The following ACOT11 variants were observed in gnomAD, a reference collection of about 807,000 sequenced individuals.
The protein encoded by ACOT11 is acyl-CoA thioesterase 11.
Under a neutral mutation model 77.5 loss-of-function variants are expected in ACOT11, and 69 were observed. The ratio of observed to expected loss-of-function variants is 0.89; its 90% CI spans 0.73 to 1.09. The LOEUF (loss-of-function observed/expected upper bound fraction) is 1.09. ACOT11 is among the 50% of genes least tolerant of loss of function. The probability of loss-of-function intolerance (pLI) is 0.00; values close to 1 mark genes in which losing one functional copy is unlikely to be tolerated. For missense variants in ACOT11, 766 were observed against 813.7 expected (o/e 0.94, Z 0.71); for synonymous variants, 279 against 313.0 (o/e 0.89, Z 1.15).
rs986799218 is a variant in ACOT11 at position 54,610,310 on chromosome 1, A to G, written c.*1198A>G. 6.5e-7 allele frequency: 1 copy of G among 1,542,466 alleles called. No individual in the cohort carries two copies. Among genetic ancestry groups the G allele is most frequent in the Non-Finnish European group, 8.7e-7 (1 of 1,146,542 alleles). ...TTGCATCCAGGGTATGGTGTAAATA[A>G]ACCTGTGTTGCCATGGCAACAGAGA... On this transcript the variant is annotated 3_prime_UTR_variant, in exon 16 of 16. Transcript: ENST00000343744.
exon 17 of ACOT11, chr1:54,635,311 CT>C (rs1430830786): frequency 3.3e-5 from 8 of 239,106 alleles, no homozygotes; most frequent in Non-Finnish European, 5.7e-5. Context: ...TTCAGATGAT[CT>C]GAACAAAACA....
At chr1:54,590,055 T>C (rs943072357) in intron 3 of ACOT11, among the ~76,000 whole-genome samples, 8 of 148,842 alleles carry the variant, frequency 5.4e-5, no homozygotes, top group African/African-American at 1.8e-4. Context: ...GCCATAGCAC[T>C]CCAGCCTGGG....
At chr1:54,563,834 G>C (rs1023664995) in intron 1 of ACOT11, among the ~76,000 whole-genome samples, 27 of 152,132 alleles carry the variant, frequency 1.8e-4, no homozygotes, top group Admixed American at 1.5e-3. Context: ...CTGAGGGAGC[G>C]GGGGGCGGAT....
chr1:54,616,261 A>G, intron 15 of ACOT11: 1 of 1,146,646 alleles, frequency 8.7e-7, no homozygotes, highest in East Asian at 2.4e-5. Flanking sequence ...ATTACAGAAC[A>G]TTTGAGAAAT....
intron 16 of ACOT11, among the ~76,000 whole-genome samples, chr1:54,631,243 C>T (rs1644298158): frequency 6.6e-6 from 1 of 152,170 alleles, no homozygotes; most frequent in Non-Finnish European, 1.5e-5. Context: ...GCAAGCTAGA[C>T]AAGAGGGTGA....
In ACOT11 at chr1:54,607,109, C is replaced by CGT. The variant is rs1187868461; in HGVS notation, c.1371-25_1371-24insGT. On this transcript the variant is annotated intron_variant, in intron 13 of 15. Transcript: ENST00000343744. This position sits in a 1 kb window ranked among gnomAD's most constrained non-coding sequence, Gnocchi z 4.5. ...CATGGGAGCTGGAAGCTTCCTGGGG[C>CGT]ACTGAGATCCCGGCCTCCCCACAGG... is the stretch of plus-strand genomic sequence containing the variant. 3.1e-6 allele frequency: 5 copies of CGT among 1,613,280 alleles called. No homozygotes were observed. The East Asian group carries it at 1.1e-4, about 36-fold the overall frequency.
At chr1:54,606,580 A>T (rs544456794) in intron 13 of ACOT11, among the ~76,000 whole-genome samples, 1 of 152,232 alleles carries the variant, frequency 6.6e-6, no homozygotes, top group African/African-American at 2.4e-5. Flanking sequence ...CTGCTTCCTT[A>T]TTAGCTCTGT....
downstream of ACOT11, chr1:54,614,651 T>C (rs778838842): frequency 6.4e-7 from 1 of 1,563,880 alleles, no homozygotes; most frequent in Non-Finnish European, 8.7e-7. Context: ...GTGGTAGGTG[T>C]TGACAGAAGA....
At chr1:54,593,911 C>T (rs1225303185) in intron 4 of ACOT11, 30 bp from the exon 5 acceptor site, 4 of 1,595,156 alleles carry the variant, frequency 2.5e-6, no homozygotes, top group Non-Finnish European at 3.4e-6. Context: ...TGTTGTTCCT[C>T]ATTCCTTCGC....
chr1:54,609,681 G>A lies in ACOT11; in HGVS notation c.*569G>A. The A allele has an allele frequency of 6.2e-7, 1 of 1,614,042 alleles. No homozygotes were observed. Among genetic ancestry groups the A allele is most frequent in the Non-Finnish European group, 8.5e-7 (1 of 1,180,026 alleles). Reference sequence around the variant, plus strand: ...TGGCCGGGGACCGAAAAACTCCCGTGGGAGATTTTGGCCCCAACCCACACA... The same window carrying A: ...TGGCCGGGGACCGAAAAACTCCCGTAGGAGATTTTGGCCCCAACCCACACA... On this transcript the variant is annotated 3_prime_UTR_variant, in exon 16 of 16. Transcript: ENST00000343744.
intron 1 of ACOT11, among the ~76,000 whole-genome samples, chr1:54,564,595 G>A (rs1297508588): frequency 1.3e-5 from 2 of 152,340 alleles, no homozygotes; most frequent in African/African-American, 4.8e-5. Context: ...CACCTGGGCC[G>A]AGCTGAAGCA....
At chr1:54,599,480 A>G in intron 8 of ACOT11, 65 bp downstream of exon 8, 1 of 1,445,466 alleles carries the variant, frequency 6.9e-7, no homozygotes, top group Non-Finnish European at 9.3e-7. Flanking sequence ...GACCCTAGAA[A>G]GGACCCTACT....
At chr1:54,591,835 G>C (rs984255633) in intron 3 of ACOT11, among the ~76,000 whole-genome samples, 1 of 152,228 alleles carries the variant, frequency 6.6e-6, no homozygotes, top group Non-Finnish European at 1.5e-5. Flanking sequence ...TTGGGCAAAT[G>C]ACTTAACCTC....
At chr1:54,636,167 G>T (rs1644329453) in exon 17 of ACOT11, 1 of 152,210 alleles carries the variant, frequency 6.6e-6, no homozygotes, top group Non-Finnish European at 1.5e-5. Context: ...TTCTCGTTAG[G>T]TGGAACGAGA....
intron 1 of ACOT11, among the ~76,000 whole-genome samples, chr1:54,567,526 G>T (rs910947203): frequency 6.6e-6 from 1 of 152,104 alleles, no homozygotes; most frequent in Non-Finnish European, 1.5e-5. Flanking sequence ...TGATCCACCC[G>T]CCTCAGCCTC....
intron 16 of ACOT11, among the ~76,000 whole-genome samples, chr1:54,632,300 C>T (rs1644304152): frequency 6.6e-6 from 1 of 152,212 alleles, no homozygotes; most frequent in Non-Finnish European, 1.5e-5. Flanking sequence ...TGTCCCCTGC[C>T]ACAGCCGGTA....
At chr1:54,559,036 G>A (rs1432313555) in intron 1 of ACOT11, among the ~76,000 whole-genome samples, 8 of 152,198 alleles carry the variant, frequency 5.3e-5, no homozygotes, top group Non-Finnish European at 1.0e-4. Flanking sequence ...AGGGAGGTGG[G>A]TAAAAGGCTC....
At chr1:54,611,167 C>T (rs1644113566), downstream of ACOT11, 3 of 476,482 alleles carry the variant, frequency 6.3e-6, no homozygotes, top group African/African-American at 4.2e-5. Context: ...AGGCAGGTGG[C>T]TCATGCCTGT....
intron 1 of ACOT11, among the ~76,000 whole-genome samples, chr1:54,583,137 C>T (rs1654377807): frequency 6.6e-6 from 1 of 152,120 alleles, no homozygotes; most frequent in Non-Finnish European, 1.5e-5. Context: ...CCTGTGAGAG[C>T]CCGCAAGCCA....
Sources: gnomAD v4.1 joint callset for allele counts (sites outside exome capture counted in the v4.1 genomes callset) on GRCh38, gnomAD v4.1.1 for gene constraint, Gnocchi (gnomAD v3.1) non-coding constraint, MANE v1.5 for transcripts, NCBI Gene and HGNC (gene_info 2026-07-23, HGNC 2026-07-21) for gene names.